GREB1: variants seen among roughly 807,000 people sequenced by gnomAD.
GREB1 encodes the protein growth regulating estrogen receptor binding 1.
In GREB1, 106 loss-of-function variants were observed where a neutral mutation model predicts 200.7. That is an observed-to-expected ratio of 0.53 (90% CI 0.45 to 0.62). The LOEUF is 0.62. Among genes scored for constraint, GREB1 ranks in the 20% least tolerant of loss-of-function variants. The probability of loss-of-function intolerance (pLI) is 0.00; values close to 1 mark genes in which losing one functional copy is unlikely to be tolerated. For missense variants in GREB1, 2,243 were observed against 2,556.8 expected, an observed-to-expected ratio of 0.88 and a Z score of 2.65; for synonymous variants, 1,132 against 1,092.4, an observed-to-expected ratio of 1.04 and a Z score of -0.72.
intron 22 of GREB1, 134 bp from the exon 23 acceptor site, chr2:11,620,771 T>C (rs1407948773): frequency 1.6e-6 from 1 of 617,818 alleles, no homozygotes; most frequent in African/African-American, 1.8e-5. Context: ...TATCTTTGCA[T>C]CCACAGGGTT....
At chr2:11,551,571 C>T (rs763781745) in intron 1 of GREB1, among the ~76,000 whole-genome samples, 2 of 152,210 alleles carry the variant, frequency 1.3e-5, no homozygotes, top group Non-Finnish European at 2.9e-5. Flanking sequence ...ATCTTGTAAA[C>T]CATTTACTCT....
rs145387522 is a variant in GREB1, at chr2:11,521,463, T to A, written c.-158-34994T>A. On this transcript the variant is annotated intron_variant, in intron 1 of 2. Coordinates refer to the GREB1 transcript ENST00000628795. Reference sequence around the variant, plus strand: ...TGATATTCAAGGATATTAAAAAAATTGGCATGTGTGAATTTCTAAAACTTT... The same window carrying A: ...TGATATTCAAGGATATTAAAAAAATAGGCATGTGTGAATTTCTAAAACTTT... Among the ~76,000 whole-genome samples the A allele has an allele frequency of 3.1e-4, 47 of 152,308 alleles. 1 individual carries two copies. In the East Asian group the frequency reaches 8.9e-3, roughly 29 times the overall value.
At chr2:11,616,304 G>A (rs1014298327) in intron 20 of GREB1, among the ~76,000 whole-genome samples, 3 of 152,210 alleles carry the variant, frequency 2.0e-5, no homozygotes, top group African/African-American at 4.8e-5. Flanking sequence ...TCAGGGCGAC[G>A]GCCAGATGCC....
chr2:11,509,781 G>C (rs1673299633), intron 1 of GREB1, among the ~76,000 whole-genome samples: 1 of 152,222 alleles, frequency 6.6e-6, no homozygotes, highest in Admixed American at 6.5e-5. Flanking sequence ...CTTTGAAGCA[G>C]AGACGGAGCC....
rs969228072 is a variant in GREB1 at position 11,633,945 on chromosome 2, CAT to C, written c.4992-184_4992-183del. ...TTATGGTCTGCAAATGTGTTCAGCA[CAT>C]AGCAGAAATGAGCGCCCGTGGGAAG... On this transcript the variant is annotated intron_variant, in intron 28 of 32. Transcript: ENST00000381486. The surrounding 1 kb of genome is among the most constrained non-coding windows in gnomAD (Gnocchi z 4.1). Among the ~76,000 whole-genome samples, 1 of 152,254 alleles carries C rather than the reference CAT, an allele frequency of 6.6e-6. No individual in the cohort carries two copies. The highest frequency in any genetic ancestry group is 6.5e-5 in the Admixed American group (1 of 15,292).
chr2:11,506,190 G>A (rs761695751), intron 1 of GREB1, among the ~76,000 whole-genome samples: 6 of 152,200 alleles, frequency 3.9e-5, no homozygotes, highest in Non-Finnish European at 8.8e-5. Context: ...TGGGAGTAAT[G>A]TTTCTAGTCA....
rs1488862800 is a variant in GREB1 at position 11,640,636 on chromosome 2, C to T, written c.*182C>T. On this transcript the variant is annotated 3_prime_UTR_variant, in exon 33 of 33. Coordinates refer to ENST00000381486, the MANE Select transcript of GREB1 (RefSeq NM_014668.4). The surrounding 1 kb of genome is among the most constrained non-coding windows in gnomAD (Gnocchi z 4.6). Reference sequence around the variant, plus strand: ...GTGGTCCTGGGAGCCAGGAAGACTCCGCAGTGGGTGAGAATGAAAACTTGA... The same window carrying T: ...GTGGTCCTGGGAGCCAGGAAGACTCTGCAGTGGGTGAGAATGAAAACTTGA... 15 of 626,820 alleles carry T rather than the reference C, an allele frequency of 2.4e-5. No homozygotes were observed. The East Asian group carries it at 4.1e-4, about 17-fold the overall frequency. The allele number at this position is 626,820 out of a possible 1,614,324, so 38.8% of individuals were successfully genotyped here.
intron 4 of GREB1, 118 bp downstream of exon 4, chr2:11,566,774 G>A: frequency 1.2e-6 from 1 of 841,556 alleles, no homozygotes; most frequent in East Asian, 2.6e-5. Flanking sequence ...CCCAGGCGCA[G>A]CATGCAGCCC....
chr2:11,634,085 C>A, intron 28 of GREB1, 46 bp from the exon 29 acceptor site: 1 of 1,563,036 alleles, frequency 6.4e-7, no homozygotes, highest in South Asian at 1.1e-5. Context: ...GACCTTGCTG[C>A]TGCTCGTGTG....
At chr2:11,540,761 G>C (rs1250864068) in intron 1 of GREB1, 2 of 96,690 alleles carry the variant, frequency 2.1e-5, no homozygotes, top group Admixed American at 2.1e-4. Flanking sequence ...TTCCTGCTGG[G>C]AGGACCGTCA....
chr2:11,637,932 G>A lies in GREB1; in HGVS notation c.5547+16G>A. ...GGGATCTCAGGTGACTTTCAGAGGG[G>A]GTGCTGTCGAATCCCTAATTCAGAG... On this transcript the variant is annotated intron_variant, in intron 31 of 32. Coordinates refer to ENST00000381486, the MANE Select transcript of GREB1 (RefSeq NM_014668.4). 2 of 1,602,238 alleles carry A rather than the reference G, an allele frequency of 1.2e-6. No individual in the cohort carries two copies. Among genetic ancestry groups the A allele is most frequent in the Non-Finnish European group, 1.7e-6 (2 of 1,170,112 alleles).
intron 1 of GREB1, among the ~76,000 whole-genome samples, chr2:11,495,053 CG>C (rs1469452265): frequency 6.6e-6 from 1 of 152,136 alleles, no homozygotes; most frequent in Non-Finnish European, 1.5e-5. Flanking sequence ...GGGTCTCCCC[CG>C]CTTGCCCCTG....
chr2:11,616,000 G>A lies in GREB1; in HGVS notation c.3323-631G>A, dbSNP rs537543942. ...TCGTCTGTAAAATGTAGATGGAAAG[G>A]CCTGCCCGCCTGTAGCCATCTTTTC... On this transcript the variant is annotated intron_variant, in intron 20 of 32. Coordinates refer to ENST00000381486, the MANE Select transcript of GREB1 (RefSeq NM_014668.4). Among the ~76,000 whole-genome samples the A allele has an allele frequency of 8.5e-5, 13 of 152,312 alleles. No individual in the cohort carries two copies. The East Asian group carries it at 1.4e-3, about 16-fold the overall frequency.
intron 4 of GREB1, among the ~76,000 whole-genome samples, chr2:11,569,458 G>A (rs1474797816): frequency 4.6e-5 from 7 of 152,148 alleles, no homozygotes; most frequent in Non-Finnish European, 7.3e-5. Flanking sequence ...TCCGGCAATC[G>A]GAGGAGCACA....
intron 13 of GREB1, among the ~76,000 whole-genome samples, chr2:11,596,780 GT>G (rs1681293720): frequency 5.5e-5 from 7 of 128,040 alleles, no homozygotes; most frequent in African/African-American, 1.8e-4. Flanking sequence ...AGTGAGGGGG[GT>G]GGGGCACTGG....
intron 4 of GREB1, among the ~76,000 whole-genome samples, chr2:11,573,997 T>C (rs1017401096): frequency 6.6e-6 from 1 of 152,238 alleles, no homozygotes; most frequent in Non-Finnish European, 1.5e-5. Flanking sequence ...TTAGAAGCCC[T>C]TCCAGGGAGC....
At position 11,582,005 on chromosome 2, in the gene GREB1, G is replaced by A. The variant is rs185110422; in HGVS notation, c.901+1173G>A. On this transcript the variant is annotated intron_variant, in intron 7 of 32. Transcript: ENST00000381486. Reference sequence around the variant, plus strand: ...AGGCAGTAGCTGAGTCCCGTCCTCCGCAGCAGCCTAGCCCCAGGCAGCCTC... The same window carrying A: ...AGGCAGTAGCTGAGTCCCGTCCTCCACAGCAGCCTAGCCCCAGGCAGCCTC... Among the ~76,000 whole-genome samples, 96 of 152,310 alleles carry A rather than the reference G, an allele frequency of 6.3e-4. 1 individual carries two copies. Among genetic ancestry groups the A allele is most frequent in the African/African-American group, 2.3e-3 (94 of 41,568 alleles).
chr2:11,576,646 G>C, intron 5 of GREB1, 111 bp downstream of exon 5: 1 of 758,936 alleles, frequency 1.3e-6, no homozygotes, highest in Non-Finnish European at 2.2e-6. Context: ...CACACATCAC[G>C]GGCAAAAGGC....
intron 19 of GREB1, among the ~76,000 whole-genome samples, chr2:11,613,974 T>C (rs1344554424): frequency 6.6e-6 from 1 of 152,192 alleles, no homozygotes; most frequent in African/African-American, 2.4e-5. Context: ...GGGGTTGGCC[T>C]TTCCTCTGCT....
Sources: gnomAD v4.1 joint callset for allele counts (sites outside exome capture counted in the v4.1 genomes callset) on GRCh38, gnomAD v4.1.1 for gene constraint, Gnocchi (gnomAD v3.1) non-coding constraint, MANE v1.5 for transcripts, NCBI Gene and HGNC (gene_info 2026-07-23, HGNC 2026-07-21) for gene names.